MCTP1: variants seen among roughly 807,000 people sequenced by gnomAD.
MCTP1 encodes the protein multiple C2 and transmembrane domain-containing protein 1.
In MCTP1, 69 loss-of-function variants were observed where a neutral mutation model predicts 120.6. That is an observed-to-expected ratio of 0.57 (90% CI 0.47 to 0.70). The LOEUF is 0.70. Among genes scored for constraint, MCTP1 ranks in the 30% least tolerant of loss-of-function variants. The probability of loss-of-function intolerance (pLI) is 0.00; values close to 1 mark genes in which losing one functional copy is unlikely to be tolerated. For synonymous variants in MCTP1, 529 were observed against 493.1 expected (o/e 1.07, Z -0.96); for missense variants, 1,203 against 1,248.8 (o/e 0.96, Z 0.55).
At chr5:95,238,147 T>C (rs567259997) in intron 1 of MCTP1, among the ~76,000 whole-genome samples, 1 of 152,258 alleles carries the variant, frequency 6.6e-6, no homozygotes, top group Admixed American at 6.5e-5. Context: ...TGTGAGAAAG[T>C]CACAAGAATT....
intron 1 of MCTP1, among the ~76,000 whole-genome samples, chr5:95,261,500 T>A (rs1445536686): frequency 6.6e-6 from 1 of 152,260 alleles, no homozygotes; most frequent in African/African-American, 2.4e-5. Context: ...CTCCATTTAA[T>A]TTTGTTGCAC....
At chr5:94,905,538 C>T (rs1054599232) in intron 10 of MCTP1, among the ~76,000 whole-genome samples, 6 of 151,948 alleles carry the variant, frequency 3.9e-5, no homozygotes, top group African/African-American at 9.7e-5. Context: ...AGATGATGAG[C>T]GGTCGAGAAT....
intron 1 of MCTP1, among the ~76,000 whole-genome samples, chr5:95,182,475 T>C (rs913921927): frequency 6.6e-6 from 1 of 152,242 alleles, no homozygotes; most frequent in African/African-American, 2.4e-5. Context: ...GAAACTATAG[T>C]ATGTTAAATT....
At chr5:95,009,056 A>AAGAGAGAGACAG (rs1835362544) in intron 2 of MCTP1, among the ~76,000 whole-genome samples, 1 of 129,472 alleles carries the variant, frequency 7.7e-6, no homozygotes, top group Non-Finnish European at 1.5e-5. Flanking sequence ...GAGAGGGAGA[A>AAGAGAGAGACAG]AGAGAGAGAG....
intron 1 of MCTP1, among the ~76,000 whole-genome samples, chr5:95,112,271 C>A (rs1279659880): frequency 6.6e-6 from 1 of 152,182 alleles, no homozygotes; most frequent in African/African-American, 2.4e-5. Flanking sequence ...TTCAGCAGAA[C>A]TGTATCTAGA....
chr5:95,114,323 T>A (rs988791907), intron 1 of MCTP1, among the ~76,000 whole-genome samples: 32 of 152,238 alleles, frequency 2.1e-4, no homozygotes, highest in Non-Finnish European at 4.4e-4. Context: ...TTCAGCCACA[T>A]AGAAACAGAG....
At chr5:95,158,818 G>A (rs932134726) in intron 1 of MCTP1, among the ~76,000 whole-genome samples, 1 of 151,732 alleles carries the variant, frequency 6.6e-6, no homozygotes, top group Admixed American at 6.6e-5. Flanking sequence ...GCATGCCTAT[G>A]GTCCCAGCTA....
At chr5:94,899,454 A>G (rs1294401410) in intron 10 of MCTP1, among the ~76,000 whole-genome samples, 3 of 151,784 alleles carry the variant, frequency 2.0e-5, no homozygotes, top group Admixed American at 2.0e-4. Flanking sequence ...TGAGCTAGGC[A>G]CTCCCCATTT....
At chr5:95,015,778 C>T (rs182212882) in intron 2 of MCTP1, among the ~76,000 whole-genome samples, 5 of 152,064 alleles carry the variant, frequency 3.3e-5, no homozygotes, top group Non-Finnish European at 4.4e-5. Context: ...CAACCACTCC[C>T]CTATTTATGG....
chr5:95,053,946 T>C (rs1211920850), intron 1 of MCTP1, among the ~76,000 whole-genome samples: 2 of 152,344 alleles, frequency 1.3e-5, no homozygotes, highest in South Asian at 2.1e-4. Flanking sequence ...CGATTAAATG[T>C]CCCAAACTTG....
At chr5:95,084,306 C>T (rs1042692783) in intron 1 of MCTP1, among the ~76,000 whole-genome samples, 1 of 152,074 alleles carries the variant, frequency 6.6e-6, no homozygotes, top group Non-Finnish European at 1.5e-5. Flanking sequence ...GTGGACTACT[C>T]TCCTTTATTA....
At chr5:95,280,636 G>A (rs1184511921) in intron 1 of MCTP1, among the ~76,000 whole-genome samples, 3 of 152,014 alleles carry the variant, frequency 2.0e-5, no homozygotes, top group African/African-American at 7.3e-5. Flanking sequence ...CAGAATCAGT[G>A]GGAAGAAAGG....
intron 1 of MCTP1, among the ~76,000 whole-genome samples, chr5:95,085,198 T>C (rs1582214841): frequency 6.6e-6 from 1 of 152,062 alleles, no homozygotes; most frequent in Non-Finnish European, 1.5e-5. Context: ...TCCCATTACC[T>C]ATCCCATCCC....
intron 2 of MCTP1, among the ~76,000 whole-genome samples, chr5:94,994,644 C>T (rs950950861): frequency 1.2e-4 from 18 of 152,168 alleles, no homozygotes; most frequent in African/African-American, 3.6e-4. Context: ...TACTGAGTGT[C>T]GACTTGATTT....
At chr5:95,158,253 A>G (rs926548124) in intron 1 of MCTP1, among the ~76,000 whole-genome samples, 2 of 152,172 alleles carry the variant, frequency 1.3e-5, no homozygotes, top group African/African-American at 4.8e-5. Context: ...TTTCATCATC[A>G]CATATCATTC....
chr5:95,263,930 T>G (rs887289793), intron 1 of MCTP1, among the ~76,000 whole-genome samples: 4 of 152,204 alleles, frequency 2.6e-5, no homozygotes, highest in Non-Finnish European at 4.4e-5. Flanking sequence ...TCCTAGGCCA[T>G]TCTTCCCTTG....
At chr5:94,901,096 C>A (rs1423930986) in intron 10 of MCTP1, among the ~76,000 whole-genome samples, 3 of 152,138 alleles carry the variant, frequency 2.0e-5, no homozygotes, top group Non-Finnish European at 4.4e-5. Context: ...AAGACACACC[C>A]AACACTGGGT....
chr5:94,894,243 C>T (rs371302776), intron 11 of MCTP1, among the ~76,000 whole-genome samples: 1 of 152,172 alleles, frequency 6.6e-6, no homozygotes, highest in Non-Finnish European at 1.5e-5. Flanking sequence ...TAGTTACCAG[C>T]GTACTAATTA....
intron 1 of MCTP1, among the ~76,000 whole-genome samples, chr5:95,061,488 T>C (rs1211463197): frequency 1.6e-5 from 2 of 124,536 alleles, no homozygotes; most frequent in African/African-American, 6.0e-5. Context: ...CAGGCTGGAG[T>C]GCAGTGGCGG....
Sources: gnomAD v4.1 joint callset for allele counts (sites outside exome capture counted in the v4.1 genomes callset) on GRCh38, gnomAD v4.1.1 for gene constraint, MANE v1.5 for transcripts, NCBI Gene and HGNC (gene_info 2026-07-23, HGNC 2026-07-21) for gene names.